RARB: variants seen among roughly 807,000 people sequenced by gnomAD.
The protein encoded by RARB is retinoic acid receptor beta, also known as HBV-activated protein.
Under a neutral mutation model 51.9 loss-of-function variants are expected in RARB, and 17 were observed. That is an observed-to-expected ratio of 0.33 (90% confidence interval 0.22 to 0.49). The LOEUF is 0.49. Ranked by LOEUF, RARB falls within the 20% of genes least tolerant of loss-of-function variation. The pLI is 0.99. For synonymous variants in RARB, 215 were observed against 195.4 expected, an observed-to-expected ratio of 1.10 and a Z score of -0.84; for missense variants, 369 against 550.8, an observed-to-expected ratio of 0.67 and a Z score of 3.30.
At chr3:24,959,727 G>A (rs1696098120) in intron 2 of RARB, among the ~76,000 whole-genome samples, 1 of 152,166 alleles carries the variant, frequency 6.6e-6, no homozygotes, top group South Asian at 2.1e-4. Flanking sequence ...ATAATTGACA[G>A]TGTGATCTTT....
chr3:25,304,159 T>C (rs945605707), intron 5 of RARB, among the ~76,000 whole-genome samples: 23 of 152,174 alleles, frequency 1.5e-4, no homozygotes, highest in African/African-American at 5.1e-4. Context: ...ATTCCATCCC[T>C]AAACAGAACT....
chr3:24,885,807 T>C (rs1275283951), intron 2 of RARB, among the ~76,000 whole-genome samples: 3 of 152,168 alleles, frequency 2.0e-5, no homozygotes, highest in Admixed American at 6.5e-5. Context: ...GGAAACCAGA[T>C]GATGTTTCAA....
intron 2 of RARB, among the ~76,000 whole-genome samples, chr3:25,012,581 G>T (rs765187508): frequency 3.9e-5 from 6 of 152,104 alleles, no homozygotes; most frequent in Admixed American, 6.6e-5. Flanking sequence ...AAAAGGCCTG[G>T]AAAGGAAAAT....
intron 4 of RARB, among the ~76,000 whole-genome samples, chr3:25,162,140 T>C (rs1700484175): frequency 6.6e-6 from 1 of 152,194 alleles, no homozygotes; most frequent in Non-Finnish European, 1.5e-5. Flanking sequence ...ACTCTCCCTC[T>C]GTCACTCAGG....
At chr3:25,300,430 T>G (rs1704013653) in intron 5 of RARB, among the ~76,000 whole-genome samples, 1 of 152,226 alleles carries the variant, frequency 6.6e-6, no homozygotes, top group South Asian at 2.1e-4. Flanking sequence ...TAACTCCAAA[T>G]TCTAGAAGAA....
intron 5 of RARB, among the ~76,000 whole-genome samples, chr3:25,401,297 T>C (rs1408447288): frequency 6.6e-6 from 1 of 152,134 alleles, no homozygotes; most frequent in Non-Finnish European, 1.5e-5. Context: ...CACTCCCTAC[T>C]CTAGATACCT....
chr3:25,288,558 G>A (rs1261339111), intron 5 of RARB, among the ~76,000 whole-genome samples: 1 of 152,110 alleles, frequency 6.6e-6, no homozygotes, highest in Non-Finnish European at 1.5e-5. Flanking sequence ...GGGCCAATTT[G>A]CATGTGTGAG....
At chr3:25,243,371 A>G (rs1055016901) in intron 5 of RARB, among the ~76,000 whole-genome samples, 3 of 152,160 alleles carry the variant, frequency 2.0e-5, no homozygotes, top group Non-Finnish European at 4.4e-5. Flanking sequence ...GAGAGAGGAC[A>G]TCCTTGTCTT....
intron 5 of RARB, among the ~76,000 whole-genome samples, chr3:25,591,755 C>T (rs747380520): frequency 6.6e-6 from 1 of 152,164 alleles, no homozygotes; most frequent in Non-Finnish European, 1.5e-5. Flanking sequence ...CAATAAGACA[C>T]TGAAGTCAGA....
chr3:25,333,202 A>G (rs1388152290), intron 5 of RARB, among the ~76,000 whole-genome samples: 2 of 152,140 alleles, frequency 1.3e-5, no homozygotes, highest in African/African-American at 4.8e-5. Context: ...GAACCAAAAA[A>G]GAGCCCGCAT....
chr3:24,955,043 C>T (rs1014046678), intron 2 of RARB, among the ~76,000 whole-genome samples: 1 of 152,174 alleles, frequency 6.6e-6, no homozygotes, highest in Non-Finnish European at 1.5e-5. Flanking sequence ...ACATCCTGCC[C>T]TCTTGGTACC....
intron 5 of RARB, among the ~76,000 whole-genome samples, chr3:25,338,926 G>T (rs888557309): frequency 6.6e-6 from 1 of 151,926 alleles, no homozygotes; most frequent in African/African-American, 2.4e-5. Flanking sequence ...TTCAAAATCG[G>T]GTCTCTGAGA....
intron 5 of RARB, among the ~76,000 whole-genome samples, chr3:25,295,016 A>G (rs77372804): frequency 0.01 from 1,544 of 152,282 alleles, 17 homozygotes; most frequent in African/African-American, 0.034. Context: ...TTCTCGAAAG[A>G]CAATCTGTCC....
intron 5 of RARB, among the ~76,000 whole-genome samples, chr3:25,176,303 T>TTCTC (rs1236307180): frequency 4.5e-5 from 1 of 22,276 alleles, no homozygotes; most frequent in African/African-American, 1.3e-4. Context: ...TTTTCTTTCT[T>TTCTC]TCTTTCTTTC....
chr3:25,061,545 A>T (rs1205316122), intron 3 of RARB, among the ~76,000 whole-genome samples: 2 of 151,742 alleles, frequency 1.3e-5, no homozygotes, highest in Non-Finnish European at 3.0e-5. Context: ...GTGTAGTTAC[A>T]CATTCAGTTG....
At chr3:24,907,090 C>G (rs1031299279) in intron 2 of RARB, among the ~76,000 whole-genome samples, 1 of 152,056 alleles carries the variant, frequency 6.6e-6, no homozygotes, top group African/African-American at 2.4e-5. Flanking sequence ...ATTTATGGAG[C>G]ACCCCCCATG....
intron 5 of RARB, among the ~76,000 whole-genome samples, chr3:25,277,052 C>T (rs1389647245): frequency 6.6e-6 from 1 of 152,270 alleles, no homozygotes; most frequent in African/African-American, 2.4e-5. Flanking sequence ...GAGTATCTCT[C>T]TTCAAGGTTA....
At chr3:25,557,035 G>C (rs1482151453) in intron 3 of RARB, among the ~76,000 whole-genome samples, 1 of 152,028 alleles carries the variant, frequency 6.6e-6, no homozygotes, top group Non-Finnish European at 1.5e-5. Context: ...AACCATTCTT[G>C]CATAAGGCAG....
chr3:25,012,930 G>C lies in RARB; in HGVS notation c.-379-47195G>C, dbSNP rs1049004759. ...GAATAGTTTCTGACACCAAACTTAAGACTCTGATTAATAATAGCTGCTGGT... is the reference window on the plus strand; with the variant it reads ...GAATAGTTTCTGACACCAAACTTAACACTCTGATTAATAATAGCTGCTGGT... On this transcript the variant is annotated intron_variant, in intron 2 of 11. Transcript: ENST00000383772. Among the ~76,000 whole-genome samples, 4 of 152,054 alleles carry C rather than the reference G, an allele frequency of 2.6e-5. No homozygotes were observed. In the East Asian group the frequency reaches 7.7e-4, roughly 29 times the overall value.
Sources: gnomAD v4.1 joint callset for allele counts (sites outside exome capture counted in the v4.1 genomes callset) on GRCh38, gnomAD v4.1.1 for gene constraint, MANE v1.5 for transcripts, NCBI Gene and HGNC (gene_info 2026-07-23, HGNC 2026-07-21) for gene names.